Variants in MARK3 observed in about 807,000 individuals in gnomAD.
MARK3 encodes MAP/microtubule affinity-regulating kinase 3.
MARK3 carries 46 observed loss-of-function variants against 90.1 expected under a neutral mutation model. The observed-to-expected ratio is 0.51, with a 90% CI of 0.40 to 0.65. MARK3 has a LOEUF of 0.65. Ranked by LOEUF, MARK3 falls within the 30% of genes least tolerant of loss-of-function variation. The pLI, the probability that MARK3 is intolerant of heterozygous loss-of-function variation, is 0.00. For missense variants in MARK3, 818 were observed against 947.2 expected, an observed-to-expected ratio of 0.86 and a Z score of 1.79; for synonymous variants, 321 against 332.6, an observed-to-expected ratio of 0.97 and a Z score of 0.38.
At chr14:103,400,120 G>A (rs890695555) in intron 1 of MARK3, among the ~76,000 whole-genome samples, 4 of 152,040 alleles carry the variant, frequency 2.6e-5, no homozygotes, top group Non-Finnish European at 4.4e-5. Flanking sequence ...GTAGAGATGG[G>A]GTTTCACCAT....
intron 1 of MARK3, among the ~76,000 whole-genome samples, chr14:103,389,343 G>A (rs1224880560): frequency 2.0e-5 from 3 of 147,744 alleles, no homozygotes; most frequent in East Asian, 2.0e-4. Flanking sequence ...CAGCCTGGGC[G>A]ACAGAGCCAG....
intron 2 of MARK3, among the ~76,000 whole-genome samples, chr14:103,425,469 G>A (rs1293953915): frequency 3.3e-5 from 5 of 151,954 alleles, no homozygotes; most frequent in Non-Finnish European, 7.4e-5. Flanking sequence ...CACCATGTTG[G>A]CCAGGCTGGT....
intron 12 of MARK3, among the ~76,000 whole-genome samples, chr14:103,470,759 A>G (rs1348378916): frequency 2.6e-5 from 4 of 151,912 alleles, no homozygotes; most frequent in African/African-American, 9.7e-5. Context: ...GCTCGGCCTC[A>G]TTTTATTTCT....
At chr14:103,468,347 CAG>C (rs1297431366) in intron 12 of MARK3, among the ~76,000 whole-genome samples, 161 bp downstream of exon 12, 1 of 87,132 alleles carries the variant, frequency 1.1e-5, no homozygotes, top group African/African-American at 5.0e-5. Flanking sequence ...TTTTTTGAGA[CAG>C]AGTCTCACTC....
intron 17 of MARK3, 34 bp from the exon 18 acceptor site, chr14:103,502,848 C>G: frequency 6.5e-7 from 1 of 1,544,806 alleles, no homozygotes; most frequent in Non-Finnish European, 8.8e-7. Flanking sequence ...TTTTCCTGTA[C>G]GATTAAAAAT....
intron 5 of MARK3, among the ~76,000 whole-genome samples, chr14:103,456,361 GC>G (rs1303848321): frequency 3.3e-5 from 5 of 152,148 alleles, no homozygotes; most frequent in Non-Finnish European, 5.9e-5. Context: ...TTGTAGTAGA[GC>G]CAGAGTCCTC....
chr14:103,502,932 G>T lies in MARK3; in HGVS notation c.1967G>T (p.Arg656Leu). The T allele has an allele frequency of 6.2e-7, 1 of 1,614,082 alleles. No individual in the cohort carries two copies. Among genetic ancestry groups the T allele is most frequent in the Non-Finnish European group, 8.5e-7 (1 of 1,179,918 alleles). ...QKDENKEAKP[R>L]SLRFTWSMKT... ...GATGAAAACAAAGAAGCAAAGCCTC[G>T]ATCCCTACGCTTCACCTGGAGCATG... The change falls in exon 18 of 18, where the codon CGA (arginine) becomes CTA (leucine). Residue 656 changes from arginine (R) to leucine (L), a missense_variant. This residue lies in a region of MARK3 where 560 missense variants were observed against 613.5 expected (regional missense o/e 0.91). Transcript: ENST00000429436.
chr14:103,405,009 G>A (rs1056602162), intron 1 of MARK3, 67 bp from the exon 2 acceptor site: 8 of 1,216,104 alleles, frequency 6.6e-6, no homozygotes, highest in African/African-American at 1.6e-5. Context: ...TCAATTAGAA[G>A]CTCTTAGAAC....
intron 4 of MARK3, among the ~76,000 whole-genome samples, chr14:103,450,027 A>T (rs2093094174): frequency 6.6e-6 from 1 of 152,240 alleles, no homozygotes. Context: ...CAAAAGGCGT[A>T]TGCCCTATTT....
chr14:103,478,017 C>T (rs1403054007), intron 13 of MARK3, among the ~76,000 whole-genome samples: 2 of 100,406 alleles, frequency 2.0e-5, no homozygotes, highest in Non-Finnish European at 4.5e-5. Context: ...AAAAAAGTGG[C>T]CGGGCGCAGT....
intron 15 of MARK3, among the ~76,000 whole-genome samples, chr14:103,494,544 C>CAAAAAAAAAA (rs35133138): frequency 1.2e-5 from 1 of 84,622 alleles, no homozygotes; most frequent in Non-Finnish European, 2.2e-5. Flanking sequence ...AACTCTGTCT[C>CAAAAAAAAAA]AAAAAAAAAA....
chr14:103,419,660 C>T (rs2092121938), intron 2 of MARK3, among the ~76,000 whole-genome samples: 1 of 151,912 alleles, frequency 6.6e-6, no homozygotes, highest in South Asian at 2.1e-4. Flanking sequence ...CATATTAATA[C>T]CTTTTCAGGT....
chr14:103,471,299 TC>T (rs932358677), intron 12 of MARK3, among the ~76,000 whole-genome samples: 1 of 151,270 alleles, frequency 6.6e-6, no homozygotes, highest in Non-Finnish European at 1.5e-5. Context: ...AGTGCCTTTT[TC>T]CCCCCAGCTC....
At chr14:103,501,380 A>G (rs1163736308) in intron 17 of MARK3, among the ~76,000 whole-genome samples, 2 of 152,188 alleles carry the variant, frequency 1.3e-5, no homozygotes, top group Non-Finnish European at 2.9e-5. Flanking sequence ...GGCATCAAGT[A>G]AGTTGGGGCC....
intron 12 of MARK3, among the ~76,000 whole-genome samples, chr14:103,468,512 A>G (rs2093562092): frequency 6.7e-6 from 1 of 150,008 alleles, no homozygotes. Context: ...TTTAGTAGAG[A>G]CGGGGTTTCA....
At chr14:103,463,803 T>C (rs959551820) in intron 7 of MARK3, among the ~76,000 whole-genome samples, 2 of 152,182 alleles carry the variant, frequency 1.3e-5, no homozygotes, top group African/African-American at 4.8e-5. Flanking sequence ...CTTGAACAAC[T>C]CTTCATTGGC....
intron 3 of MARK3, among the ~76,000 whole-genome samples, chr14:103,432,799 T>A (rs2092619943): frequency 6.6e-6 from 1 of 152,126 alleles, no homozygotes; most frequent in African/African-American, 2.4e-5. Context: ...GAGGCTGCAG[T>A]GAGCTGTGAT....
At position 103,503,394 on chromosome 14, in the gene MARK3, G is replaced by A. The variant is rs141681158; in HGVS notation, c.*167G>A. 577 of 649,396 alleles carry A rather than the reference G, an allele frequency of 8.9e-4. 2 individuals are homozygous for A. In the African/African-American group the frequency reaches 9.4e-3, roughly 11 times the overall value. The allele number at this position is 649,396 out of a possible 1,614,324, so 40.2% of individuals were successfully genotyped here. A position where few individuals can be genotyped will look rare whatever the true frequency, so the allele number is the denominator to read the frequency against. ...GAGCGAAAGCTGGCCTTTTTTCTACGAATGCACTACATTAAAGATGTGCAA... is the reference window on the plus strand; with the variant it reads ...GAGCGAAAGCTGGCCTTTTTTCTACAAATGCACTACATTAAAGATGTGCAA... On this transcript the variant is annotated 3_prime_UTR_variant, in exon 18 of 18. Coordinates refer to ENST00000429436, the MANE Select transcript of MARK3 (RefSeq NM_001128918.3).
At chr14:103,416,597 C>T (rs1259459746) in intron 2 of MARK3, among the ~76,000 whole-genome samples, 3 of 152,268 alleles carry the variant, frequency 2.0e-5, no homozygotes, top group East Asian at 3.9e-4. Context: ...ATGGTGAAAC[C>T]TCATCTCTAC....
Sources: gnomAD v4.1 joint callset for allele counts (sites outside exome capture counted in the v4.1 genomes callset) on GRCh38, gnomAD v4.1.1 for gene constraint, gnomAD v4.1.1 regional missense constraint, MANE v1.5 for transcripts, NCBI Gene and HGNC (gene_info 2026-07-23, HGNC 2026-07-21) for gene names.